LNX2: variants seen among roughly 807,000 people sequenced by gnomAD.
LNX2 encodes the protein ligand of Numb protein X 2.
In LNX2, 35 loss-of-function variants were observed where a neutral mutation model predicts 66.2. The observed-to-expected ratio is 0.53, with a 90% CI of 0.40 to 0.70. The LOEUF (loss-of-function observed/expected upper bound fraction) is 0.70, where lower values mean the gene tolerates loss of function less well. LNX2 is among the 30% of genes least tolerant of loss of function. LNX2 has a pLI of 0.00. For missense variants in LNX2, 791 were observed against 850.8 expected (o/e 0.93, Z 0.87); for synonymous variants, 337 against 315.6 (o/e 1.07, Z -0.72).
chr13:27,557,459 G>A (rs1212270677), intron 6 of LNX2, among the ~76,000 whole-genome samples: 2 of 151,994 alleles, frequency 1.3e-5, no homozygotes, highest in Non-Finnish European at 2.9e-5. Context: ...TTGTATATAT[G>A]CACCTACACA....
intron 7 of LNX2, among the ~76,000 whole-genome samples, chr13:27,555,276 CATTT>C (rs1955044487): frequency 6.6e-6 from 1 of 152,282 alleles, no homozygotes; most frequent in South Asian, 2.1e-4. Flanking sequence ...GAAAACTGGC[CATTT>C]ATTTATCTTC....
At chr13:27,570,445 T>C (rs745409092) in intron 2 of LNX2, among the ~76,000 whole-genome samples, 2 of 152,218 alleles carry the variant, frequency 1.3e-5, no homozygotes, top group Non-Finnish European at 2.9e-5. Context: ...AAATCCTGGA[T>C]TTCAAGTTCT....
At chr13:27,562,253 T>G (rs1955144109) in intron 5 of LNX2, among the ~76,000 whole-genome samples, 160 bp downstream of exon 5, 1 of 151,920 alleles carries the variant, frequency 6.6e-6, no homozygotes, top group African/African-American at 2.4e-5. Context: ...TCCAATGAAG[T>G]TATACTAGTG....
Position 27,581,381 on chromosome 13 carries a change from T to C in LNX2, c.323A>G (p.Asp108Gly), listed in dbSNP as rs1189083794. The change falls in exon 2 of 10, where the codon GAC (aspartate) becomes GGC (glycine). Residue 108 changes from aspartate (D) to glycine (G), a missense_variant. By Grantham distance (94) the Asp-to-Gly change is moderately conservative. Transcript: ENST00000316334. ...KSSILVHKLL[D>G]KLLVLCPFSS... ...AAATGGACATAAAACTAATAATTTG[T>C]CTAGGAGTTTATGAACTAGAATACT... 2.3e-5 allele frequency: 37 copies of C among 1,594,454 alleles called. No individual in the cohort carries two copies. Among genetic ancestry groups the C allele is most frequent in the Non-Finnish European group, 3.0e-5 (35 of 1,166,758 alleles).
At chr13:27,568,016 A>C (rs1359017566) in intron 3 of LNX2, among the ~76,000 whole-genome samples, 177 bp from the exon 4 acceptor site, 1 of 152,248 alleles carries the variant, frequency 6.6e-6, no homozygotes, top group Non-Finnish European at 1.5e-5. Flanking sequence ...GATTATCTAA[A>C]AATTTTCTCT....
At position 27,562,401 on chromosome 13, in the gene LNX2, A is replaced by G. The variant is rs1463288143; in HGVS notation, c.1224+12T>C. 5 of 1,605,616 alleles carry G rather than the reference A, an allele frequency of 3.1e-6. No individual in the cohort carries two copies. The highest frequency in any genetic ancestry group is 4.5e-5 in the East Asian group (2 of 44,806). On this transcript the variant is annotated intron_variant, in intron 5 of 9. Coordinates refer to ENST00000316334, the MANE Select transcript of LNX2 (RefSeq NM_153371.4). Reference sequence around the variant, plus strand: ...CGGCCAAGCCTTTGGAATGAAGGCCAAGAGGGTTTACCTGAATAATCTGGG... The same window carrying G: ...CGGCCAAGCCTTTGGAATGAAGGCCGAGAGGGTTTACCTGAATAATCTGGG...
At chr13:27,575,013 G>C (rs146511238) in intron 2 of LNX2, among the ~76,000 whole-genome samples, 4 of 152,112 alleles carry the variant, frequency 2.6e-5, no homozygotes, top group Non-Finnish European at 5.9e-5. Flanking sequence ...GACATTCCTA[G>C]GTAAAAACAA....
chr13:27,610,882 A>T (rs1016552330), intron 1 of LNX2, among the ~76,000 whole-genome samples: 5 of 152,236 alleles, frequency 3.3e-5, no homozygotes, highest in Non-Finnish European at 5.9e-5. Context: ...TAATCCCAGG[A>T]AAATGCAAAT....
intron 1 of LNX2, among the ~76,000 whole-genome samples, chr13:27,608,071 T>C (rs1342559989): frequency 6.6e-6 from 1 of 152,252 alleles, no homozygotes; most frequent in Non-Finnish European, 1.5e-5. Context: ...TGCTCATTGC[T>C]ATAGTCTCAC....
intron 1 of LNX2, among the ~76,000 whole-genome samples, chr13:27,591,669 A>G (rs2138427137): frequency 6.6e-6 from 1 of 152,334 alleles, no homozygotes; most frequent in Middle Eastern, 3.4e-3. Context: ...TTCCAGGGTT[A>G]GGAGTTGAGC....
At chr13:27,561,323 T>C (rs1955132877) in intron 5 of LNX2, among the ~76,000 whole-genome samples, 1 of 152,168 alleles carries the variant, frequency 6.6e-6, no homozygotes, top group South Asian at 2.1e-4. Context: ...CTTGACTCTT[T>C]TACTCAAACA....
chr13:27,606,408 A>C (rs560574887), intron 1 of LNX2, among the ~76,000 whole-genome samples: 29 of 152,026 alleles, frequency 1.9e-4, no homozygotes, highest in African/African-American at 6.7e-4. Context: ...AAAGCTCAAA[A>C]AAAAAAAAGG....
chr13:27,589,837 G>A (rs1955528965), intron 1 of LNX2, among the ~76,000 whole-genome samples: 2 of 152,318 alleles, frequency 1.3e-5, no homozygotes, highest in South Asian at 4.1e-4. Context: ...GTGAACCTCT[G>A]CCAATAAGAC....
chr13:27,590,018 C>T (rs887847914), intron 1 of LNX2, among the ~76,000 whole-genome samples: 8 of 152,168 alleles, frequency 5.3e-5, no homozygotes, highest in Admixed American at 4.6e-4. Flanking sequence ...AGCATGATCT[C>T]GGCTCACTGC....
intron 7 of LNX2, among the ~76,000 whole-genome samples, chr13:27,554,996 G>A (rs201579804): frequency 1.3e-5 from 2 of 152,152 alleles, no homozygotes; most frequent in African/African-American, 4.8e-5. Context: ...CTGATGCTAG[G>A]CTGGAGTACA....
At chr13:27,554,823 G>A (rs1202173710) in intron 7 of LNX2, among the ~76,000 whole-genome samples, 2 of 152,228 alleles carry the variant, frequency 1.3e-5, no homozygotes, top group East Asian at 3.8e-4. Flanking sequence ...TCCAAAAACA[G>A]TTGTACCACT....
intron 1 of LNX2, among the ~76,000 whole-genome samples, chr13:27,596,841 C>CAT (rs1955603830): frequency 6.6e-6 from 1 of 152,180 alleles, no homozygotes; most frequent in African/African-American, 2.4e-5. Flanking sequence ...ATAGAGCCAA[C>CAT]ATAACAAAGA....
At chr13:27,559,773 C>T (rs1388704716) in intron 6 of LNX2, 69 bp downstream of exon 6, 4 of 1,396,842 alleles carry the variant, frequency 2.9e-6, no homozygotes, top group Non-Finnish European at 3.8e-6. Context: ...AAAAAACCTT[C>T]ATTTAAATCT....
At chr13:27,550,098 A>T (rs1336967589) in intron 9 of LNX2, among the ~76,000 whole-genome samples, 1 of 152,230 alleles carries the variant, frequency 6.6e-6, no homozygotes, top group Non-Finnish European at 1.5e-5. Flanking sequence ...AAGGGGTCAG[A>T]TGGTAAATAT....
Sources: gnomAD v4.1 joint callset for allele counts (sites outside exome capture counted in the v4.1 genomes callset) on GRCh38, gnomAD v4.1.1 for gene constraint, MANE v1.5 for transcripts, NCBI Gene and HGNC (gene_info 2026-07-23, HGNC 2026-07-21) for gene names.